KIF11: variants seen among roughly 807,000 people sequenced by gnomAD.
KIF11 encodes the protein kinesin family member 11.
In KIF11, 9 loss-of-function variants were observed where a neutral mutation model predicts 121.0. That is an observed-to-expected ratio of 0.07 (90% CI 0.04 to 0.13). The LOEUF is 0.13. KIF11 is among the 10% of genes least tolerant of loss of function. The pLI is 1.00. For missense variants in KIF11, 846 were observed against 1,217.5 expected, an observed-to-expected ratio of 0.69 and a Z score of 4.54; for synonymous variants, 408 against 421.0, an observed-to-expected ratio of 0.97 and a Z score of 0.38.
At chr10:92,650,915 C>T (rs996153532) in intron 21 of KIF11, among the ~76,000 whole-genome samples, 4 of 152,076 alleles carry the variant, frequency 2.6e-5, no homozygotes, top group African/African-American at 9.7e-5. Context: ...CTGGAGGCCT[C>T]TTAGGTTATA....
At chr10:92,612,003 CAT>C (rs1763661506) in intron 6 of KIF11, among the ~76,000 whole-genome samples, 1 of 152,014 alleles carries the variant, frequency 6.6e-6, no homozygotes, top group South Asian at 2.1e-4. Flanking sequence ...TATTAACAAA[CAT>C]AATAATGTTC....
intron 17 of KIF11, among the ~76,000 whole-genome samples, chr10:92,644,155 A>G (rs1476267408): frequency 6.6e-6 from 1 of 152,170 alleles, no homozygotes; most frequent in Non-Finnish European, 1.5e-5. Context: ...TTTATTGTCT[A>G]CACCAGAGTT....
Position 92,654,017 on chromosome 10 carries a change from C to A in KIF11, c.*221C>A. On this transcript the variant is annotated 3_prime_UTR_variant, in exon 22 of 22. Coordinates refer to ENST00000260731, the MANE Select transcript of KIF11 (RefSeq NM_004523.4). ...TGGCCAACGTGGCAAAACCTCGTCT[C>A]TGTTAAAAATTAGCCGGGCGTGGTG... 2.9e-6 allele frequency: 1 copy of A among 345,798 alleles called. No homozygotes were observed. The highest frequency in any genetic ancestry group is 5.4e-6 in the Non-Finnish European group (1 of 184,590). The allele number at this position is 345,798 out of a possible 1,614,324, so 21.4% of individuals were successfully genotyped here.
chr10:92,634,708 T>C (rs1160468067), intron 14 of KIF11, among the ~76,000 whole-genome samples: 1 of 152,202 alleles, frequency 6.6e-6, no homozygotes, highest in Non-Finnish European at 1.5e-5. Flanking sequence ...GTAGCAGTTA[T>C]TAGTGAGGCT....
chr10:92,644,937 A>G (rs1161376695), intron 17 of KIF11, among the ~76,000 whole-genome samples: 1 of 152,240 alleles, frequency 6.6e-6, no homozygotes, highest in African/African-American at 2.4e-5. Flanking sequence ...TTTAAACATA[A>G]CATTTGTAAT....
intron 10 of KIF11, among the ~76,000 whole-genome samples, chr10:92,627,361 C>T (rs79100805): frequency 0.021 from 3,162 of 152,210 alleles, 49 homozygotes; most frequent in Admixed American, 0.052. Context: ...GTGAGCTTTG[C>T]GCTTGAGAAA....
rs977253791 is a variant in KIF11 at position 92,601,303 on chromosome 10, C to T, written c.78-4962C>T. The stretch of plus-strand genomic sequence containing the variant: ...GCAACCTACGCCTCCTGGGTTCAAA[C>T]GATTCTCCTGCCTCAGCCTTCCGAG... On this transcript the variant is annotated intron_variant, in intron 1 of 21. Coordinates refer to ENST00000260731, the MANE Select transcript of KIF11 (RefSeq NM_004523.4). 2.6e-5 allele frequency among the ~76,000 whole-genome samples: 4 copies of T among 152,120 alleles called. No homozygotes were observed. In the South Asian group the frequency reaches 6.2e-4, roughly 24 times the overall value.
chr10:92,607,571 G>T (rs1453679251), intron 4 of KIF11, among the ~76,000 whole-genome samples: 1 of 152,130 alleles, frequency 6.6e-6, no homozygotes, highest in African/African-American at 2.4e-5. Flanking sequence ...GAAGGAATGG[G>T]TCTCAGAAAG....
At chr10:92,601,132 A>G (rs1468582325) in intron 1 of KIF11, among the ~76,000 whole-genome samples, 1 of 152,094 alleles carries the variant, frequency 6.6e-6, no homozygotes, top group African/African-American at 2.4e-5. Flanking sequence ...TGCTGGGATT[A>G]CAGGCATGAG....
chr10:92,606,746 T>G, intron 3 of KIF11, 30 bp downstream of exon 3: 1 of 1,048,828 alleles, frequency 9.5e-7, no homozygotes, highest in Non-Finnish European at 1.5e-6. Flanking sequence ...TTCTGATTTA[T>G]GAAAAAGCTT....
At position 92,593,145 on chromosome 10, in the gene KIF11, G is replaced by C. The variant is rs1194023472; in HGVS notation, c.-231G>C. On this transcript the variant is annotated 5_prime_UTR_variant, in exon 1 of 22. Coordinates refer to ENST00000260731, the MANE Select transcript of KIF11 (RefSeq NM_004523.4). Reference sequence around the variant, plus strand: ...GTCGTTGCTTAGTTTCTGGGGATTCGGGCGGAGACGAGATTAGTGATTTGG... The same window carrying C: ...GTCGTTGCTTAGTTTCTGGGGATTCCGGCGGAGACGAGATTAGTGATTTGG... 4.0e-6 allele frequency: 2 copies of C among 495,682 alleles called. No homozygotes were observed. The highest frequency in any genetic ancestry group is 2.8e-5 in the South Asian group (1 of 36,008). 30.7% of individuals were successfully genotyped at this position (495,682 alleles called of 1,614,324 possible).
rs942914178 is a variant in KIF11, at chr10:92,620,001, A to G, written c.1129-1384A>G. 2.7e-5 allele frequency among the ~76,000 whole-genome samples: 4 copies of G among 148,392 alleles called. No homozygotes were observed. The South Asian group carries it at 6.4e-4, about 24-fold the overall frequency. The stretch of plus-strand genomic sequence containing the variant: ...CTTGATTAAATTCAAGTTTTGTCTT[A>G]TTTATTTTTGGCAAAACTAATTCAT... On this transcript the variant is annotated intron_variant, in intron 9 of 21. Transcript: ENST00000260731.
At chr10:92,635,111 C>T (rs1223249584) in intron 14 of KIF11, among the ~76,000 whole-genome samples, 1 of 152,062 alleles carries the variant, frequency 6.6e-6, no homozygotes, top group African/African-American at 2.4e-5. Flanking sequence ...TATTTGTTTT[C>T]TTTGTGCAGA....
chr10:92,652,435 C>T (rs913847604), intron 21 of KIF11, among the ~76,000 whole-genome samples: 24 of 152,100 alleles, frequency 1.6e-4, no homozygotes, highest in African/African-American at 5.6e-4. Context: ...CCACCGCGCT[C>T]GGCCTGTAAC....
chr10:92,628,303 G>A (rs1023966336), intron 10 of KIF11, among the ~76,000 whole-genome samples: 6 of 152,174 alleles, frequency 3.9e-5, no homozygotes, highest in African/African-American at 1.4e-4. Flanking sequence ...AGCAGGGGGT[G>A]TAATTGCTCT....
At position 92,593,290 on chromosome 10, in the gene KIF11, T is replaced by A; in HGVS notation, c.-86T>A. 2 of 1,399,606 alleles carry A rather than the reference T, an allele frequency of 1.4e-6. No individual in the cohort carries two copies. The highest frequency in any genetic ancestry group is 2.0e-6 in the Non-Finnish European group (2 of 1,020,146). The allele number at this position is 1,399,606 out of a possible 1,614,324, so 86.7% of individuals were successfully genotyped here. ...AGCGCCCGAGAGGGACCAGGGAGAC[T>A]CCGGCCCCTGTCGGCCGCCAAGCCC... On this transcript the variant is annotated 5_prime_UTR_variant, in exon 1 of 22. Transcript: ENST00000260731.
At chr10:92,652,268 G>A (rs1844995179) in intron 21 of KIF11, among the ~76,000 whole-genome samples, 1 of 151,948 alleles carries the variant, frequency 6.6e-6, no homozygotes, top group South Asian at 2.1e-4. Flanking sequence ...ATCCTCCCGA[G>A]TAGCTGGGAT....
intron 4 of KIF11, among the ~76,000 whole-genome samples, chr10:92,608,133 ATT>A (rs571762594): frequency 7.0e-5 from 10 of 142,598 alleles, no homozygotes; most frequent in Non-Finnish European, 7.7e-5. Context: ...ATTTTTTTTA[ATT>A]TTTTTTTTTT....
intron 17 of KIF11, among the ~76,000 whole-genome samples, 170 bp downstream of exon 17, chr10:92,640,070 T>C (rs557865830): frequency 1.4e-4 from 22 of 152,356 alleles, no homozygotes; most frequent in Admixed American, 2.6e-4. Context: ...TAAATGTCTT[T>C]TCATTGCGTA....
Sources: gnomAD v4.1 joint callset for allele counts (sites outside exome capture counted in the v4.1 genomes callset) on GRCh38, gnomAD v4.1.1 for gene constraint, MANE v1.5 for transcripts, NCBI Gene and HGNC (gene_info 2026-07-23, HGNC 2026-07-21) for gene names.